The following CCDC81 variants were observed in gnomAD, a reference collection of about 807,000 sequenced individuals.
CCDC81 encodes coiled-coil domain containing 81.
Under a neutral mutation model 83.7 loss-of-function variants are expected in CCDC81, and 79 were observed. The observed-to-expected ratio is 0.94, with a 90% CI of 0.79 to 1.14. The LOEUF (loss-of-function observed/expected upper bound fraction) is 1.14. Ranked by LOEUF, CCDC81 falls within the 50% of genes most tolerant of loss-of-function variation. The probability of loss-of-function intolerance (pLI) is 0.00; values close to 1 mark genes in which losing one functional copy is unlikely to be tolerated. For missense variants in CCDC81, 791 were observed against 778.1 expected, an observed-to-expected ratio of 1.02 and a Z score of -0.20; for synonymous variants, 252 against 278.1, an observed-to-expected ratio of 0.91 and a Z score of 0.93.
At chr11:86,395,525 TTCTG>T (rs1190204444) in intron 5 of CCDC81, 112 bp downstream of exon 5, 10 of 769,664 alleles carry the variant, frequency 1.3e-5, no homozygotes, top group African/African-American at 6.9e-5. Context: ...TTTTAATGTA[TTCTG>T]TCTGTCTCTC....
intron 1 of CCDC81, among the ~76,000 whole-genome samples, chr11:86,377,986 T>TTTTTTTTTTTTTC (rs1948121611): frequency 6.8e-6 from 1 of 146,928 alleles, no homozygotes; most frequent in Non-Finnish European, 1.5e-5. Flanking sequence ...TTTTTTTTTT[T>TTTTTTTTTTTTTC]TTTTGCATGT....
intron 6 of CCDC81, among the ~76,000 whole-genome samples, chr11:86,398,775 A>C (rs1231704694): frequency 6.6e-6 from 1 of 152,042 alleles, no homozygotes; most frequent in Admixed American, 6.5e-5. Context: ...GTTTCACCGT[A>C]TTGGCCAGGC....
At position 86,387,598 on chromosome 11, in the gene CCDC81, A is replaced by C; in HGVS notation, c.224A>C (p.Gln75Pro). ...EVGNNKFILI[Q>P]RPVFIMVEKL... ...GGAAACAACAAATTTATCTTAATCC[A>C]GAGGCCTGTGTTTATCATGGTGGAG... is the stretch of plus-strand genomic sequence containing the variant. Residue 75 changes from glutamine (Q) to proline (P), a missense_variant, in exon 3 of 15, where the codon CAG (glutamine) becomes CCG (proline). By Grantham distance (76) the Gln-to-Pro change is moderately conservative. Transcript: ENST00000445632. The C allele has an allele frequency of 6.2e-7, 1 of 1,612,850 alleles. No homozygotes were observed. The highest frequency in any genetic ancestry group is 8.5e-7 in the Non-Finnish European group (1 of 1,178,842).
At chr11:86,417,145 G>A (rs1420486305) in intron 13 of CCDC81, among the ~76,000 whole-genome samples, 1 of 151,208 alleles carries the variant, frequency 6.6e-6, no homozygotes, top group Admixed American at 6.6e-5. Context: ...TCGGGTGGCT[G>A]AGGCACAAGA....
chr11:86,387,385 G>C, intron 2 of CCDC81, 131 bp from the exon 3 acceptor site: 1 of 725,524 alleles, frequency 1.4e-6, no homozygotes, highest in South Asian at 1.8e-5. Context: ...TAGCTCTGAA[G>C]AGTCCTAGAG....
intron 1 of CCDC81, among the ~76,000 whole-genome samples, chr11:86,383,026 C>T (rs1593908387): frequency 6.6e-6 from 1 of 152,308 alleles, no homozygotes; most frequent in African/African-American, 2.4e-5. Context: ...TGAAGATAAA[C>T]TTCAAACTGA....
rs118081475 is a variant in CCDC81 at position 86,415,121 on chromosome 11, C to A, written c.1499C>A (p.Pro500His). 3.6e-3 allele frequency: 5,749 copies of A among 1,614,154 alleles called. 27 individuals carry two copies. Among genetic ancestry groups the A allele is most frequent in the South Asian group, 3.6e-3 (330 of 91,080 alleles). ...QIKNKPSRLP[P>H]FEPDSSEPIF... Reference sequence around the variant, plus strand: ...AAGAACAAACCCTCTCGGCTGCCCCCCTTTGAGCCAGACTCCTCTGAGCCC... The same window carrying A: ...AAGAACAAACCCTCTCGGCTGCCCCACTTTGAGCCAGACTCCTCTGAGCCC... The change falls in exon 13 of 15, where the codon CCC (proline) becomes CAC (histidine). Residue 500 changes from proline (P) to histidine (H), a missense_variant. By Grantham distance (77) the Pro-to-His change is moderately conservative. Coordinates refer to ENST00000445632, the MANE Select transcript of CCDC81 (RefSeq NM_001156474.2).
At position 86,414,864 on chromosome 11, in the gene CCDC81, A is replaced by G. The variant is rs1948694155; in HGVS notation, c.1467A>G (p.Ala489=). The change falls in exon 12 of 15, where the codon GCA becomes GCG. Residue 489 remains alanine, a synonymous_variant. Coordinates refer to ENST00000445632, the MANE Select transcript of CCDC81 (RefSeq NM_001156474.2). ...AGTGTTACAAGAGAGCTTTGGATGC[A>G]CAGGTAAGGGGACAGACAAATATTA... The part of the protein sequence containing the change: ...ETQCYKRALD[A]QIKNKPSRLP... The G allele has an allele frequency of 6.2e-7, 1 of 1,606,042 alleles. No homozygotes were observed. Among genetic ancestry groups the G allele is most frequent in the Admixed American group, 1.7e-5 (1 of 57,938 alleles).
At chr11:86,415,048 T>A (rs1416807896) in intron 12 of CCDC81, 45 bp from the exon 13 acceptor site, 1 of 1,594,884 alleles carries the variant, frequency 6.3e-7, no homozygotes, top group Admixed American at 1.7e-5. Context: ...TAAAGCTTAT[T>A]CCCTGGTAGA....
At chr11:86,393,386 A>G (rs1052408184) in intron 4 of CCDC81, among the ~76,000 whole-genome samples, 1 of 152,098 alleles carries the variant, frequency 6.6e-6, no homozygotes, top group Non-Finnish European at 1.5e-5. Context: ...CTTCTTCCAC[A>G]TGTATTATTT....
At chr11:86,395,855 T>C (rs1948401427) in intron 5 of CCDC81, among the ~76,000 whole-genome samples, 1 of 152,170 alleles carries the variant, frequency 6.6e-6, no homozygotes, top group Non-Finnish European at 1.5e-5. Context: ...ACTCCTGGTC[T>C]CAAGTGATCC....
chr11:86,402,732 A>G (rs933353148), intron 7 of CCDC81, among the ~76,000 whole-genome samples: 2 of 152,216 alleles, frequency 1.3e-5, no homozygotes, highest in Admixed American at 6.5e-5. Flanking sequence ...CAGTAATATG[A>G]GAGAGTGCTA....
intron 7 of CCDC81, among the ~76,000 whole-genome samples, chr11:86,403,953 G>A (rs1267620200): frequency 6.6e-6 from 1 of 152,056 alleles, no homozygotes; most frequent in Non-Finnish European, 1.5e-5. Context: ...AGGTAACTGG[G>A]AGAAGATGGC....
At position 86,400,818 on chromosome 11, in the gene CCDC81, T is replaced by C; in HGVS notation, c.881+17T>C. 6.3e-7 allele frequency: 1 copy of C among 1,576,536 alleles called. No homozygotes were observed. Among genetic ancestry groups the C allele is most frequent in the East Asian group, 2.3e-5 (1 of 44,064 alleles). On this transcript the variant is annotated intron_variant, in intron 7 of 14. Transcript: ENST00000445632. ...CCCTGAAAGGTAATGCATTGACTTT[T>C]TTTTTTCTGTTGTACTTTACTAAAT...
chr11:86,412,949 C>T (rs1221644482), intron 11 of CCDC81, among the ~76,000 whole-genome samples: 1 of 152,046 alleles, frequency 6.6e-6, no homozygotes, highest in Admixed American at 6.5e-5. Flanking sequence ...CGCAATAGAC[C>T]CCTGTCTTAT....
chr11:86,377,968 C>CTTTTCTTT (rs1948120654), intron 1 of CCDC81, among the ~76,000 whole-genome samples: 1 of 73,350 alleles, frequency 1.4e-5, no homozygotes, highest in East Asian at 5.4e-4. Context: ...TGCCTAGGTT[C>CTTTTCTTT]TTTTTTTTTT....
intron 7 of CCDC81, among the ~76,000 whole-genome samples, chr11:86,401,331 T>A (rs773721138): frequency 1.3e-5 from 2 of 152,124 alleles, no homozygotes; most frequent in Non-Finnish European, 2.9e-5. Flanking sequence ...AGTAGGATAC[T>A]TTTTAAGACC....
At chr11:86,393,911 T>G (rs894628115) in intron 4 of CCDC81, among the ~76,000 whole-genome samples, 1 of 152,236 alleles carries the variant, frequency 6.6e-6, no homozygotes, top group Admixed American at 6.5e-5. Context: ...ATTTTTTTAA[T>G]GAAAAGGCTA....
intron 1 of CCDC81, among the ~76,000 whole-genome samples, chr11:86,384,622 A>T (rs560075917): frequency 2.6e-5 from 4 of 152,354 alleles, no homozygotes; most frequent in Admixed American, 6.5e-5. Context: ...AAATTGTTAG[A>T]AAAAAGATAA....
Sources: gnomAD v4.1 joint callset for allele counts (sites outside exome capture counted in the v4.1 genomes callset) on GRCh38, gnomAD v4.1.1 for gene constraint, MANE v1.5 for transcripts, NCBI Gene and HGNC (gene_info 2026-07-23, HGNC 2026-07-21) for gene names.